The following CTIF variants were observed in gnomAD, a reference collection of about 807,000 sequenced individuals.
The protein encoded by CTIF is cap binding complex dependent translation initiation factor, also known as CBP80/20-dependent translation initiation factor.
In CTIF, 21 loss-of-function variants were observed where a neutral mutation model predicts 66.0. That is an observed-to-expected ratio of 0.32 (90% confidence interval 0.23 to 0.46). CTIF has a LOEUF of 0.46. Ranked by LOEUF, CTIF falls within the 20% of genes least tolerant of loss-of-function variation. The pLI, the probability that CTIF is intolerant of heterozygous loss-of-function variation, is 1.00. For synonymous variants in CTIF, 345 were observed against 326.4 expected (o/e 1.06, Z -0.62); for missense variants, 739 against 812.7 (o/e 0.91, Z 1.10).
chr18:48,641,558 A>T (rs768593185), intron 3 of CTIF, among the ~76,000 whole-genome samples: 1 of 152,144 alleles, frequency 6.6e-6, no homozygotes, highest in Admixed American at 6.5e-5. Flanking sequence ...AGTGAAGGGC[A>T]CTCTCTTGTT....
intron 3 of CTIF, among the ~76,000 whole-genome samples, chr18:48,645,788 A>G (rs1181538982): frequency 6.6e-6 from 1 of 151,962 alleles, no homozygotes; most frequent in Non-Finnish European, 1.5e-5. Context: ...GGGATCCGGA[A>G]CTCCCACCTC....
intron 6 of CTIF, among the ~76,000 whole-genome samples, chr18:48,710,507 G>T (rs2092212300): frequency 6.6e-6 from 1 of 152,190 alleles, no homozygotes; most frequent in South Asian, 2.1e-4. Context: ...GTAGTGCATG[G>T]TGGTGCTCTC....
At chr18:48,818,847 C>T (rs1199416517) in intron 10 of CTIF, among the ~76,000 whole-genome samples, 4 of 152,078 alleles carry the variant, frequency 2.6e-5, no homozygotes, top group East Asian at 1.9e-4. Context: ...AAGCAGGTCA[C>T]GGGCCCTGGG....
chr18:48,798,031 C>T (rs1172562515), intron 9 of CTIF, among the ~76,000 whole-genome samples: 2 of 152,136 alleles, frequency 1.3e-5, no homozygotes, highest in East Asian at 1.9e-4. Flanking sequence ...TTCCTCTGCC[C>T]GCGGCAGAGC....
intron 1 of CTIF, among the ~76,000 whole-genome samples, chr18:48,556,988 A>T (rs934331522): frequency 1.3e-5 from 2 of 152,338 alleles, no homozygotes; most frequent in East Asian, 3.9e-4. Context: ...AATATATGTT[A>T]TACACTTAGC....
At chr18:48,857,543 CG>C (rs1568273710) in intron 10 of CTIF, 44 bp from the exon 11 acceptor site, 18 of 1,566,620 alleles carry the variant, frequency 1.1e-5, no homozygotes, top group Non-Finnish European at 1.6e-5. Flanking sequence ...GCCCAGTAGC[CG>C]GCATGTCTCC....
intron 7 of CTIF, among the ~76,000 whole-genome samples, chr18:48,737,170 G>A (rs8088094): frequency 0.032 from 4,794 of 152,172 alleles, 235 homozygotes; most frequent in African/African-American, 0.11. Flanking sequence ...GGCCGGGAGT[G>A]GGTTTGGGTC....
chr18:48,582,416 T>G (rs984642008), intron 1 of CTIF, among the ~76,000 whole-genome samples: 1 of 151,844 alleles, frequency 6.6e-6, no homozygotes, highest in African/African-American at 2.4e-5. Context: ...ATAAAGGAGG[T>G]GCCTGGGAAT....
intron 1 of CTIF, among the ~76,000 whole-genome samples, chr18:48,580,452 C>T (rs1008795635): frequency 2.0e-5 from 3 of 152,176 alleles, no homozygotes; most frequent in South Asian, 2.1e-4. Context: ...TTCTAACTCT[C>T]GGGGGCCCTG....
In CTIF at chr18:48,859,788, G is replaced by A; in HGVS notation, c.*229G>A. On this transcript the variant is annotated 3_prime_UTR_variant, in exon 12 of 12. Transcript: ENST00000256413. ...AGCATGCAAGCTCACACCAATAAGGGAAGCATGTTTCTTTTTCCTGGTGGC... is the reference window on the plus strand; with the variant it reads ...AGCATGCAAGCTCACACCAATAAGGAAAGCATGTTTCTTTTTCCTGGTGGC... 1.5e-6 allele frequency: 1 copy of A among 688,462 alleles called. No homozygotes were observed. Among genetic ancestry groups the A allele is most frequent in the Non-Finnish European group, 2.7e-6 (1 of 375,944 alleles). The allele number at this position is 688,462 out of a possible 1,614,324, so 42.6% of individuals were successfully genotyped here.
intron 5 of CTIF, among the ~76,000 whole-genome samples, chr18:48,669,777 C>A (rs2091492060): frequency 1.0e-5 from 1 of 95,824 alleles, no homozygotes; most frequent in Admixed American, 1.2e-4. Context: ...CATTTATAAA[C>A]AAACAAGCTA....
chr18:48,573,490 AGT>A (rs964227236), intron 1 of CTIF, among the ~76,000 whole-genome samples: 37 of 152,384 alleles, frequency 2.4e-4, no homozygotes, highest in African/African-American at 8.9e-4. Flanking sequence ...ACTGATGTAC[AGT>A]GTGTACATTT....
chr18:48,571,627 T>C (rs910497418), intron 1 of CTIF, among the ~76,000 whole-genome samples: 1 of 152,208 alleles, frequency 6.6e-6, no homozygotes, highest in African/African-American at 2.4e-5. Flanking sequence ...TGCCAGCACA[T>C]AGTGATCCTC....
chr18:48,672,280 C>T (rs184476955), intron 6 of CTIF, among the ~76,000 whole-genome samples: 2 of 152,076 alleles, frequency 1.3e-5, no homozygotes, highest in Admixed American at 6.5e-5. Context: ...CTGGTTCACT[C>T]GTCTGGCCTT....
At chr18:48,722,753 T>A (rs1199344120) in intron 7 of CTIF, among the ~76,000 whole-genome samples, 1 of 152,160 alleles carries the variant, frequency 6.6e-6, no homozygotes, top group Non-Finnish European at 1.5e-5. Flanking sequence ...CTCACAGGTG[T>A]AAGCACACGG....
intron 3 of CTIF, among the ~76,000 whole-genome samples, chr18:48,659,116 C>A (rs1041027787): frequency 7.2e-5 from 11 of 152,054 alleles, no homozygotes; most frequent in Non-Finnish European, 1.5e-5. Flanking sequence ...GAAAGTTTGC[C>A]TTTAGTGGTT....
At chr18:48,663,691 C>G in intron 3 of CTIF, 61 bp from the exon 4 acceptor site, 2 of 1,507,452 alleles carry the variant, frequency 1.3e-6, no homozygotes, top group South Asian at 1.1e-5. Context: ...GCCCTGGCCC[C>G]GTGTTCTCAG....
intron 1 of CTIF, among the ~76,000 whole-genome samples, chr18:48,574,360 C>T (rs902960181): frequency 3.9e-5 from 6 of 152,210 alleles, no homozygotes; most frequent in African/African-American, 1.4e-4. Flanking sequence ...TTCTCCATAG[C>T]CTGCATTATC....
intron 9 of CTIF, among the ~76,000 whole-genome samples, chr18:48,766,507 G>A (rs1199197846): frequency 6.6e-6 from 1 of 152,218 alleles, no homozygotes; most frequent in Non-Finnish European, 1.5e-5. Flanking sequence ...TGAGAATCAT[G>A]AGAACACAGC....
Sources: allele counts gnomAD v4.1 joint callset (sites outside exome capture counted in the v4.1 genomes callset), GRCh38; gene constraint gnomAD v4.1.1; transcripts MANE v1.5; gene names NCBI Gene and HGNC (gene_info 2026-07-23, HGNC 2026-07-21).